The following SHQ1 variants were observed in gnomAD, a reference collection of about 807,000 sequenced individuals.
The protein encoded by SHQ1 is protein SHQ1 homolog.
SHQ1 carries 49 observed loss-of-function variants against 53.8 expected under a neutral mutation model. The ratio of observed to expected loss-of-function variants is 0.91; its 90% confidence interval spans 0.72 to 1.16. SHQ1 has a LOEUF of 1.16. SHQ1 is among the 50% of genes most tolerant of loss of function. The probability of loss-of-function intolerance (pLI) is 0.00; values close to 1 mark genes in which losing one functional copy is unlikely to be tolerated. For synonymous variants in SHQ1, 243 were observed against 251.0 expected, an observed-to-expected ratio of 0.97 and a Z score of 0.30; for missense variants, 738 against 683.1, an observed-to-expected ratio of 1.08 and a Z score of -0.90.
At chr3:72,729,376 G>C in the SHQ1 span, among the ~76,000 whole-genome samples, 1 of 152,112 alleles carries the variant, frequency 6.6e-6, no homozygotes, top group Non-Finnish European at 1.5e-5. Context: ...AAGATTCTTG[G>C]AGCCTGGGGC....
the SHQ1 span, among the ~76,000 whole-genome samples, chr3:72,733,064 G>A: frequency 1.1e-4 from 17 of 151,632 alleles, no homozygotes; most frequent in African/African-American, 3.9e-4. Context: ...AGGAGGAGGA[G>A]GAGAGAGGTG....
At position 72,824,710 on chromosome 3, in the gene SHQ1, C is replaced by G. The variant is rs139722227; in HGVS notation, c.600-159G>C. ...ACTATATTTACTTTCTTTGTAGTTA[C>G]TAACCACAAACATAAGTTATTTACC... is the stretch of plus-strand genomic sequence containing the variant. On this transcript the variant is annotated intron_variant, in intron 5 of 10. Coordinates refer to ENST00000325599, the MANE Select transcript of SHQ1 (RefSeq NM_018130.3). 7.0e-4 allele frequency among the ~76,000 whole-genome samples: 106 copies of G among 151,728 alleles called. 2 individuals are homozygous for G. In the East Asian group the frequency reaches 0.019, roughly 27 times the overall value.
Position 72,818,990 on chromosome 3 carries a change from G to GT in SHQ1, c.728-1607dup, listed in dbSNP as rs1707398804. Among the ~76,000 whole-genome samples, 3 of 152,126 alleles carry GT rather than the reference G, an allele frequency of 2.0e-5. No homozygotes were observed. In the South Asian group the frequency reaches 6.2e-4, roughly 31 times the overall value. ...GGAAAGAACACAGCCTCCAACATCT[G>GT]TTTTTTAAAAAAATAAGATGGATAT... On this transcript the variant is annotated intron_variant, in intron 6 of 10. Transcript: ENST00000325599.
intron 10 of SHQ1, among the ~76,000 whole-genome samples, chr3:72,785,255 G>A (rs959360704): frequency 5.3e-5 from 8 of 152,178 alleles, no homozygotes; most frequent in African/African-American, 1.2e-4. Context: ...CTGTACTCTT[G>A]AATGTACAGT....
rs967699916 is a variant in SHQ1, at chr3:72,825,082, C to CT, written c.600-532dup. 8.5e-5 allele frequency among the ~76,000 whole-genome samples: 13 copies of CT among 152,116 alleles called. No individual in the cohort carries two copies. The East Asian group carries it at 1.4e-3, about 16-fold the overall frequency. ...TCCCAAAGTGTGATGGGATTACAGG[C>CT]TTGACCCACTGTGTCCAACCTCTGA... On this transcript the variant is annotated intron_variant, in intron 5 of 10. Transcript: ENST00000325599.
chr3:72,802,132 T>A (rs1706807319), intron 9 of SHQ1, among the ~76,000 whole-genome samples: 1 of 152,220 alleles, frequency 6.6e-6, no homozygotes, highest in African/African-American at 2.4e-5. Flanking sequence ...ACTTTACATA[T>A]GAAAAGGGAA....
chr3:72,816,696 C>CA (rs1376330042), intron 7 of SHQ1, among the ~76,000 whole-genome samples: 14 of 151,430 alleles, frequency 9.2e-5, no homozygotes, highest in African/African-American at 2.7e-4. Context: ...CTTTAAATAG[C>CA]AAAAAAAGAT....
At chr3:72,821,359 T>C (rs1707474235) in intron 6 of SHQ1, among the ~76,000 whole-genome samples, 1 of 152,192 alleles carries the variant, frequency 6.6e-6, no homozygotes, top group Non-Finnish European at 1.5e-5. Context: ...GGAAATGCGG[T>C]GAGTTCATCC....
intron 10 of SHQ1, among the ~76,000 whole-genome samples, chr3:72,782,348 T>C (rs1706095652): frequency 6.6e-6 from 1 of 152,220 alleles, no homozygotes; most frequent in Non-Finnish European, 1.5e-5. Flanking sequence ...GCTGTTTAAA[T>C]TGAAACAGTA....
intron 10 of SHQ1, among the ~76,000 whole-genome samples, chr3:72,790,716 T>C (rs1033700144): frequency 1.3e-5 from 2 of 152,094 alleles, no homozygotes; most frequent in African/African-American, 2.4e-5. Context: ...GATAAACAAA[T>C]GTTTTATTTC....
chr3:72,772,291 G>A (rs1008200355), intron 10 of SHQ1, among the ~76,000 whole-genome samples: 2 of 152,102 alleles, frequency 1.3e-5, no homozygotes, highest in African/African-American at 4.8e-5. Context: ...TGGCAGGAGA[G>A]GGAGGGTGCC....
At chr3:72,836,292 A>G (rs1707992071) in intron 4 of SHQ1, among the ~76,000 whole-genome samples, 1 of 152,220 alleles carries the variant, frequency 6.6e-6, no homozygotes, top group Non-Finnish European at 1.5e-5. Flanking sequence ...GATAGAGATC[A>G]TCCTGGCTAA....
At chr3:72,846,620 G>GCCCA (rs1474427276) in intron 1 of SHQ1, among the ~76,000 whole-genome samples, 1 of 152,066 alleles carries the variant, frequency 6.6e-6, no homozygotes, top group East Asian at 1.9e-4. Context: ...ATCAAAGAAT[G>GCCCA]CCCATCTCAC....
intron 1 of SHQ1, among the ~76,000 whole-genome samples, chr3:72,845,350 G>A (rs1168734196): frequency 1.3e-5 from 2 of 152,026 alleles, no homozygotes; most frequent in South Asian, 2.1e-4. Context: ...AGGCATAGTG[G>A]TGCACACCTG....
chr3:72,814,436 TTCTG>T (rs1392215325), intron 8 of SHQ1: 4 of 152,182 alleles, frequency 2.6e-5, no homozygotes, highest in African/African-American at 7.2e-5. Flanking sequence ...GGGACTGAAA[TTCTG>T]TCTTTCTAAT....
At chr3:72,736,445 G>C in the SHQ1 span, among the ~76,000 whole-genome samples, 1 of 151,698 alleles carries the variant, frequency 6.6e-6, no homozygotes, top group Non-Finnish European at 1.5e-5. Context: ...TAACAAAAGA[G>C]AAAAGACATC....
At chr3:72,833,496 A>G (rs1420813852) in intron 4 of SHQ1, among the ~76,000 whole-genome samples, 18 of 24,510 alleles carry the variant, frequency 7.3e-4, no homozygotes, top group South Asian at 2.7e-3. Flanking sequence ...ATAGATAGAT[A>G]GATAGACAGA....
At chr3:72,735,946 T>C in the SHQ1 span, among the ~76,000 whole-genome samples, 51 of 152,200 alleles carry the variant, frequency 3.4e-4, no homozygotes, top group Admixed American at 2.9e-3. Flanking sequence ...TTCTGGTATA[T>C]GCAATTTCTT....
rs142606462 is a variant in SHQ1, at chr3:72,768,942, C to T, written c.1182-18106G>A. On this transcript the variant is annotated intron_variant, in intron 10 of 10. Transcript: ENST00000325599. ...TCCAGGTGCCACATTTATTGAGTGG[C>T]CAGTATTTGCTGGGCATTTTGCTAG... 2.4e-3 allele frequency among the ~76,000 whole-genome samples: 358 copies of T among 152,246 alleles called. 1 individual carries two copies. Among genetic ancestry groups the T allele is most frequent in the African/African-American group, 8.2e-3 (340 of 41,534 alleles).
Sources: allele counts gnomAD v4.1 joint callset (sites outside exome capture counted in the v4.1 genomes callset), GRCh38; gene constraint gnomAD v4.1.1; transcripts MANE v1.5; gene names NCBI Gene and HGNC (gene_info 2026-07-23, HGNC 2026-07-21).